SLC16A9: variants seen among roughly 807,000 people sequenced by gnomAD.
SLC16A9 encodes monocarboxylate transporter 9.
A neutral mutation model predicts 44.3 loss-of-function variants in SLC16A9; 26 were observed. The observed-to-expected ratio is 0.59, with a 90% CI of 0.43 to 0.81. The LOEUF (loss-of-function observed/expected upper bound fraction) is 0.81. Ranked by LOEUF, SLC16A9 falls within the 40% of genes least tolerant of loss-of-function variation. The pLI, the probability that SLC16A9 is intolerant of heterozygous loss-of-function variation, is 0.00. For synonymous variants in SLC16A9, 230 were observed against 225.1 expected, an observed-to-expected ratio of 1.02 and a Z score of -0.19; for missense variants, 559 against 595.8, an observed-to-expected ratio of 0.94 and a Z score of 0.64.
chr10:59,678,554 T>TCTTTTTTTTTTTTTTTTTTA (rs71006281), intron 2 of SLC16A9, among the ~76,000 whole-genome samples: 1 of 68,862 alleles, frequency 1.5e-5, no homozygotes, highest in Non-Finnish European at 3.3e-5. Context: ...TTCTTTTTTT[T>TCTTTTTTTTTTTTTTTTTTA]GAGACGGAGT....
At chr10:59,665,061 A>C (rs80251254) in intron 3 of SLC16A9, among the ~76,000 whole-genome samples, 1 of 152,174 alleles carries the variant, frequency 6.6e-6, no homozygotes, top group African/African-American at 2.4e-5. Context: ...AACAAAAAAA[A>C]GTTACAACTA....
intron 3 of SLC16A9, among the ~76,000 whole-genome samples, chr10:59,666,285 C>T (rs1459292683): frequency 2.1e-5 from 3 of 142,322 alleles, no homozygotes; most frequent in East Asian, 2.0e-4. Flanking sequence ...GGCAACAGAG[C>T]GAGACTCTGT....
intron 2 of SLC16A9, among the ~76,000 whole-genome samples, chr10:59,676,573 G>T (rs959410293): frequency 6.6e-6 from 1 of 152,026 alleles, no homozygotes; most frequent in Non-Finnish European, 1.5e-5. Flanking sequence ...AGGGAAAAAA[G>T]GGGGGGAAAA....
intron 4 of SLC16A9, among the ~76,000 whole-genome samples, chr10:59,662,900 T>C (rs1839514548): frequency 6.6e-6 from 1 of 152,118 alleles, no homozygotes; most frequent in Non-Finnish European, 1.5e-5. Context: ...GAACTAGAAA[T>C]ACCATTTGAC....
intron 1 of SLC16A9, 60 bp from the exon 2 acceptor site, chr10:59,684,387 G>A: frequency 1.1e-6 from 1 of 917,062 alleles, no homozygotes; most frequent in East Asian, 2.8e-5. Context: ...CACAGCGCTT[G>A]GGGTAAAAAT....
chr10:59,687,141 G>A (rs1165803886), intron 1 of SLC16A9, among the ~76,000 whole-genome samples: 1 of 152,202 alleles, frequency 6.6e-6, no homozygotes, highest in African/African-American at 2.4e-5. Flanking sequence ...CTGACCTCAG[G>A]TGTTTCACCC....
intron 1 of SLC16A9, among the ~76,000 whole-genome samples, chr10:59,686,824 C>G (rs1459187590): frequency 6.6e-6 from 1 of 152,124 alleles, no homozygotes; most frequent in Non-Finnish European, 1.5e-5. Context: ...TTGGCTGTCT[C>G]TGTTACACAA....
At chr10:59,681,464 GTATGTA>G (rs1186125956) in intron 2 of SLC16A9, among the ~76,000 whole-genome samples, 1,617 of 3,422 alleles carry the variant, frequency 0.47, 693 homozygotes, top group African/African-American at 0.57. Flanking sequence ...ATGTGTATGT[GTATGTA>G]TATGTATATG....
intron 1 of SLC16A9, among the ~76,000 whole-genome samples, chr10:59,698,273 AAT>A (rs1278120865): frequency 1.3e-5 from 2 of 152,182 alleles, no homozygotes; most frequent in Non-Finnish European, 2.9e-5. Flanking sequence ...CTTTCAGGAG[AAT>A]ATGACTTTTT....
chr10:59,653,003 C>A, intron 5 of SLC16A9, 53 bp from the exon 6 acceptor site: 1 of 1,363,846 alleles, frequency 7.3e-7, no homozygotes. Flanking sequence ...TATGAACATC[C>A]ATCCCATACC....
Position 59,654,256 on chromosome 10 carries a change from G to C in SLC16A9, c.770C>G (p.Pro257Arg). ...AGGCTCTTTTGTGTGTGTCACTGTG[G>C]GGTTTTTATGAAGTAGGCTGTCTTG... is the stretch of plus-strand genomic sequence containing the variant. ...WKQDSLLHKN[P>R]TVTHTKEPET... Residue 257 changes from proline to arginine, a missense_variant, in exon 5 of 6, where the codon CCC (proline) becomes CGC (arginine). Physicochemically the swap from Pro to Arg is moderately radical, Grantham distance 103. Transcript: ENST00000395348. 1 of 1,614,090 alleles carries C rather than the reference G, an allele frequency of 6.2e-7. No homozygotes were observed. The highest frequency in any genetic ancestry group is 8.5e-7 in the Non-Finnish European group (1 of 1,180,018).
At position 59,705,073 on chromosome 10, in the gene SLC16A9, A is replaced by G. The variant is rs1232837622; in HGVS notation, c.-37+4406T>C. Among the ~76,000 whole-genome samples, 7 of 152,188 alleles carry G rather than the reference A, an allele frequency of 4.6e-5. No homozygotes were observed. In the East Asian group the frequency reaches 1.2e-3, roughly 25 times the overall value. On this transcript the variant is annotated intron_variant, in intron 1 of 5. Coordinates refer to ENST00000395348, the MANE Select transcript of SLC16A9 (RefSeq NM_194298.3). ...AGGCCTGGTCTTCACATCTTGTGCC[A>G]TCACTGTTGCTAACATTTTTTTTCG...
intron 2 of SLC16A9, among the ~76,000 whole-genome samples, chr10:59,678,982 A>C (rs1479761722): frequency 6.6e-6 from 1 of 152,092 alleles, no homozygotes; most frequent in African/African-American, 2.4e-5. Flanking sequence ...AGCACTCATA[A>C]CTCATTCAGC....
chr10:59,670,533 C>A (rs115610982), intron 3 of SLC16A9, among the ~76,000 whole-genome samples: 4 of 152,186 alleles, frequency 2.6e-5, no homozygotes, highest in Non-Finnish European at 5.9e-5. Context: ...CCAGAGCCTG[C>A]CTGCTAGTCA....
At chr10:59,694,833 C>CAT (rs3043432) in intron 1 of SLC16A9, among the ~76,000 whole-genome samples, 65,622 of 99,602 alleles carry the variant, frequency 0.66, 22,820 homozygotes, top group South Asian at 0.81. Context: ...CACACACACA[C>CAT]ATATATATAC....
intron 2 of SLC16A9, 44 bp from the exon 3 acceptor site, chr10:59,672,957 T>A: frequency 6.4e-7 from 1 of 1,555,662 alleles, no homozygotes; most frequent in Non-Finnish European, 8.7e-7. Context: ...ATATGATCCA[T>A]CCATCATAAG....
At position 59,672,831 on chromosome 10, in the gene SLC16A9, C is replaced by A. The variant is rs749942003; in HGVS notation, c.279G>T (p.Leu93=). ...IFSGFMVAGG[L]MLSSFAPNIY... is the part of the protein sequence containing the mutation. ...TATTGGGAGCAAAACTGCTCAACAT[C>A]AGGCCTCCAGCCACCATGAAGCCAC... The change falls in exon 3 of 6, where the codon CTG becomes CTT. Residue 93 remains leucine, a synonymous_variant. Coordinates refer to ENST00000395348, the MANE Select transcript of SLC16A9 (RefSeq NM_194298.3). 1 of 1,613,684 alleles carries A rather than the reference C, an allele frequency of 6.2e-7. No homozygotes were observed. Among genetic ancestry groups the A allele is most frequent in the Non-Finnish European group, 8.5e-7 (1 of 1,179,864 alleles).
At chr10:59,687,479 T>C (rs1840159414) in intron 1 of SLC16A9, among the ~76,000 whole-genome samples, 1 of 152,232 alleles carries the variant, frequency 6.6e-6, no homozygotes, top group Non-Finnish European at 1.5e-5. Context: ...CCTTTATAAC[T>C]CTTAATATGA....
At chr10:59,653,145 T>C (rs1166137178) in intron 5 of SLC16A9, among the ~76,000 whole-genome samples, 195 bp from the exon 6 acceptor site, 2 of 151,246 alleles carry the variant, frequency 1.3e-5, no homozygotes, top group African/African-American at 4.9e-5. Context: ...GCAGGCTGGG[T>C]GCGGTGGCTC....
Sources: gnomAD v4.1 joint callset for allele counts (sites outside exome capture counted in the v4.1 genomes callset) on GRCh38, gnomAD v4.1.1 for gene constraint, MANE v1.5 for transcripts, NCBI Gene and HGNC (gene_info 2026-07-23, HGNC 2026-07-21) for gene names.